MBOAT2: variants seen among roughly 807,000 people sequenced by gnomAD.
MBOAT2 encodes the protein membrane bound glycerophospholipid O-acyltransferase 2.
Under a neutral mutation model 63.4 loss-of-function variants are expected in MBOAT2, and 28 were observed. The ratio of observed to expected loss-of-function variants is 0.44; its 90% CI spans 0.33 to 0.61. The LOEUF is 0.61. Ranked by LOEUF, MBOAT2 falls within the 20% of genes least tolerant of loss-of-function variation. MBOAT2 has a pLI of 0.03. For synonymous variants in MBOAT2, 211 were observed against 215.6 expected, an observed-to-expected ratio of 0.98 and a Z score of 0.19; for missense variants, 470 against 605.8, an observed-to-expected ratio of 0.78 and a Z score of 2.35.
intron 4 of MBOAT2, among the ~76,000 whole-genome samples, chr2:8,902,847 C>T (rs1347539757): frequency 8.5e-5 from 13 of 152,154 alleles, no homozygotes; most frequent in Admixed American, 3.9e-4. Context: ...GCCTTCACAG[C>T]GTGGAAGGGG....
At chr2:8,929,217 G>A (rs1463676683) in intron 3 of MBOAT2, among the ~76,000 whole-genome samples, 9 of 152,188 alleles carry the variant, frequency 5.9e-5, no homozygotes. Flanking sequence ...CTTCAAAGAG[G>A]TAAAAATTAC....
chr2:8,892,757 G>A (rs937915862), intron 4 of MBOAT2, among the ~76,000 whole-genome samples: 6 of 152,256 alleles, frequency 3.9e-5, no homozygotes, highest in African/African-American at 1.2e-4. Flanking sequence ...GCTCTGTGGA[G>A]GCCTGGGGTA....
At chr2:8,863,166 T>C (rs1024565767) in intron 10 of MBOAT2, among the ~76,000 whole-genome samples, 4 of 152,040 alleles carry the variant, frequency 2.6e-5, no homozygotes, top group African/African-American at 9.7e-5. Context: ...CAGCTGAAAA[T>C]AAAGTTTCCC....
At chr2:8,991,261 C>T (rs1671903415) in intron 1 of MBOAT2, among the ~76,000 whole-genome samples, 1 of 152,152 alleles carries the variant, frequency 6.6e-6, no homozygotes, top group Non-Finnish European at 1.5e-5. Context: ...ACTTTATTCC[C>T]CTCCAGCTAG....
chr2:8,894,834 CACG>C (rs1207412539), intron 4 of MBOAT2, among the ~76,000 whole-genome samples: 1 of 152,158 alleles, frequency 6.6e-6, no homozygotes, highest in African/African-American at 2.4e-5. Context: ...TGCAGACCTT[CACG>C]GTGAGTGTTA....
chr2:8,899,154 T>C (rs1256892332), intron 4 of MBOAT2, among the ~76,000 whole-genome samples: 10 of 152,222 alleles, frequency 6.6e-5, no homozygotes, highest in Admixed American at 6.5e-4. Context: ...GCCCTTCCAA[T>C]GCCCAGACTT....
At chr2:8,927,891 A>G (rs1667044736) in intron 3 of MBOAT2, among the ~76,000 whole-genome samples, 1 of 152,154 alleles carries the variant, frequency 6.6e-6, no homozygotes, top group Non-Finnish European at 1.5e-5. Flanking sequence ...CAAAGAAAAG[A>G]GGGTTAATTG....
At chr2:8,888,138 T>C (rs983490457) in intron 4 of MBOAT2, 65 bp from the exon 5 acceptor site, 16 of 1,437,838 alleles carry the variant, frequency 1.1e-5, no homozygotes, top group South Asian at 3.6e-5. Flanking sequence ...TTATGACATA[T>C]GAGTTAAGAG....
chr2:8,868,411 G>A (rs1558552885), intron 9 of MBOAT2, 35 bp downstream of exon 9: 2 of 1,551,940 alleles, frequency 1.3e-6, no homozygotes, highest in African/African-American at 2.7e-5. Context: ...GGTACTTAAA[G>A]TATATAGTAA....
At chr2:8,995,180 G>A (rs949979726) in intron 1 of MBOAT2, among the ~76,000 whole-genome samples, 5 of 152,222 alleles carry the variant, frequency 3.3e-5, no homozygotes, top group South Asian at 2.1e-4. Flanking sequence ...GCAGTGAGCC[G>A]AGATTGAGCC....
At chr2:8,966,035 C>T (rs779644478) in intron 1 of MBOAT2, among the ~76,000 whole-genome samples, 10 of 152,046 alleles carry the variant, frequency 6.6e-5, no homozygotes, top group African/African-American at 1.4e-4. Context: ...ATAACATTAA[C>T]GGATTTTTGA....
chr2:8,915,270 T>C (rs1237608606), intron 3 of MBOAT2, among the ~76,000 whole-genome samples: 2 of 152,144 alleles, frequency 1.3e-5, no homozygotes, highest in Admixed American at 6.5e-5. Context: ...GTGGCTTGCA[T>C]TGTATTTCTA....
chr2:8,956,318 A>C (rs1669220135), intron 2 of MBOAT2, among the ~76,000 whole-genome samples: 1 of 152,236 alleles, frequency 6.6e-6, no homozygotes, highest in Non-Finnish European at 1.5e-5. Context: ...CACATGGTAC[A>C]GAGGCATAAA....
intron 7 of MBOAT2, 114 bp from the exon 8 acceptor site, chr2:8,873,414 T>G (rs1338284770): frequency 3.4e-5 from 37 of 1,096,030 alleles, no homozygotes; most frequent in Non-Finnish European, 1.3e-6. Flanking sequence ...ACAACTCTCC[T>G]GGTCAAAATT....
chr2:8,931,589 ATT>A (rs1291469767), intron 3 of MBOAT2, among the ~76,000 whole-genome samples: 1 of 151,992 alleles, frequency 6.6e-6, no homozygotes, highest in Middle Eastern at 3.2e-3. Flanking sequence ...CTTTAGTTTA[ATT>A]ATATCCCATT....
intron 3 of MBOAT2, among the ~76,000 whole-genome samples, chr2:8,935,069 G>A (rs540587928): frequency 2.0e-5 from 3 of 152,254 alleles, no homozygotes; most frequent in East Asian, 1.9e-4. Flanking sequence ...ATGGCAGCCC[G>A]AGCTGCCTCT....
At chr2:8,895,060 A>C (rs1419061308) in intron 4 of MBOAT2, among the ~76,000 whole-genome samples, 1 of 152,222 alleles carries the variant, frequency 6.6e-6, no homozygotes, top group Non-Finnish European at 1.5e-5. Context: ...CCGCCTCATA[A>C]AGGCGGTGGG....
At chr2:8,905,869 T>G (rs2148583987) in intron 4 of MBOAT2, among the ~76,000 whole-genome samples, 1 of 152,258 alleles carries the variant, frequency 6.6e-6, no homozygotes, top group East Asian at 1.9e-4. Flanking sequence ...TATAAACAGG[T>G]TTTCTATCTT....
intron 3 of MBOAT2, among the ~76,000 whole-genome samples, chr2:8,923,068 TA>T (rs765919396): frequency 1.3e-5 from 2 of 152,250 alleles, no homozygotes; most frequent in Non-Finnish European, 2.9e-5. Context: ...GCAGGGGTTA[TA>T]ATAGTCCTTT....
Sources: allele counts gnomAD v4.1 joint callset (sites outside exome capture counted in the v4.1 genomes callset), GRCh38; gene constraint gnomAD v4.1.1; transcripts MANE v1.5; gene names NCBI Gene and HGNC (gene_info 2026-07-23, HGNC 2026-07-21).